NALF1: variants seen among roughly 807,000 people sequenced by gnomAD.
The protein encoded by NALF1 is family with sequence similarity 155 member A.
NALF1 carries 3 observed loss-of-function variants against 48.4 expected under a neutral mutation model. The observed-to-expected ratio is 0.06, with a 90% CI of 0.03 to 0.16. NALF1 has a LOEUF of 0.16. Ranked by LOEUF, NALF1 falls within the 10% of genes least tolerant of loss-of-function variation. The pLI is 1.00. For missense variants in NALF1, 526 were observed against 571.5 expected, an observed-to-expected ratio of 0.92 and a Z score of 0.81; for synonymous variants, 262 against 245.7, an observed-to-expected ratio of 1.07 and a Z score of -0.62.
At chr13:107,253,145 T>C (rs2138846352) in intron 1 of NALF1, among the ~76,000 whole-genome samples, 1 of 149,656 alleles carries the variant, frequency 6.7e-6, no homozygotes, top group East Asian at 2.0e-4. Flanking sequence ...TTCATACTTG[T>C]GAAGATCTGA....
intron 1 of NALF1, among the ~76,000 whole-genome samples, chr13:107,699,403 A>G (rs1228352665): frequency 6.6e-6 from 1 of 152,146 alleles, no homozygotes; most frequent in East Asian, 1.9e-4. Context: ...GTTCCATGAT[A>G]TAAAACTCAA....
intron 1 of NALF1, among the ~76,000 whole-genome samples, chr13:107,680,727 G>T (rs553077127): frequency 2.4e-5 from 3 of 125,914 alleles, no homozygotes; most frequent in African/African-American, 8.5e-5. Flanking sequence ...GTGTGAGAGT[G>T]TATGAGTGTG....
intron 1 of NALF1, among the ~76,000 whole-genome samples, chr13:107,309,975 T>C (rs1196209258): frequency 2.0e-5 from 3 of 152,218 alleles, no homozygotes; most frequent in Non-Finnish European, 4.4e-5. Context: ...CACAATACTC[T>C]GATGTATTAG....
At chr13:107,378,023 A>C (rs1883369359) in intron 1 of NALF1, among the ~76,000 whole-genome samples, 1 of 152,150 alleles carries the variant, frequency 6.6e-6, no homozygotes, top group Admixed American at 6.5e-5. Context: ...TCTTTGCTAA[A>C]ATGCCATCTC....
intron 1 of NALF1, among the ~76,000 whole-genome samples, chr13:107,684,696 C>A (rs1472155744): frequency 6.6e-6 from 1 of 152,160 alleles, no homozygotes; most frequent in Non-Finnish European, 1.5e-5. Context: ...CCTATCATTT[C>A]AGTTCAGTTA....
chr13:107,459,819 C>A (rs1450803712), intron 1 of NALF1, among the ~76,000 whole-genome samples: 1 of 152,130 alleles, frequency 6.6e-6, no homozygotes, highest in Non-Finnish European at 1.5e-5. Context: ...CCACTCACTG[C>A]AGCCTCGACC....
intron 1 of NALF1, among the ~76,000 whole-genome samples, chr13:107,653,922 A>G (rs1426787056): frequency 6.6e-6 from 1 of 152,170 alleles, no homozygotes; most frequent in Non-Finnish European, 1.5e-5. Flanking sequence ...CTCAGAAAAC[A>G]GCATTAAAGA....
chr13:107,512,986 A>G (rs1875945000), intron 1 of NALF1, among the ~76,000 whole-genome samples: 1 of 152,146 alleles, frequency 6.6e-6, no homozygotes, highest in Non-Finnish European at 1.5e-5. Context: ...TGATTTTAAA[A>G]ATTCTTTTGG....
intron 1 of NALF1, among the ~76,000 whole-genome samples, chr13:107,471,281 C>T (rs889516858): frequency 3.3e-5 from 5 of 151,464 alleles, no homozygotes; most frequent in Admixed American, 6.6e-5. Flanking sequence ...TTCTAAAATG[C>T]TAATTTATCT....
intron 1 of NALF1, among the ~76,000 whole-genome samples, chr13:107,761,047 G>C (rs1011549422): frequency 6.6e-6 from 1 of 152,044 alleles, no homozygotes; most frequent in Non-Finnish European, 1.5e-5. Flanking sequence ...AGAGTTAATG[G>C]GTTAAGAAAA....
At chr13:107,731,417 A>G (rs1876304505) in intron 1 of NALF1, among the ~76,000 whole-genome samples, 3 of 152,140 alleles carry the variant, frequency 2.0e-5, no homozygotes. Context: ...CTTTTATTTT[A>G]GGTTCAGGAG....
At chr13:107,790,824 A>C (rs1424536536) in intron 1 of NALF1, among the ~76,000 whole-genome samples, 1 of 151,950 alleles carries the variant, frequency 6.6e-6, no homozygotes, top group African/African-American at 2.4e-5. Context: ...TTTTAGTTAT[A>C]TAATATACAG....
At chr13:107,818,525 T>A (rs17446972) in intron 1 of NALF1, among the ~76,000 whole-genome samples, 2 of 152,074 alleles carry the variant, frequency 1.3e-5, no homozygotes, top group African/African-American at 4.8e-5. Flanking sequence ...GAGTGGCAGA[T>A]TGTAGAGTTG....
chr13:107,380,337 A>G (rs1329135131), intron 1 of NALF1, among the ~76,000 whole-genome samples: 1 of 152,234 alleles, frequency 6.6e-6, no homozygotes, highest in Non-Finnish European at 1.5e-5. Context: ...AGTGATTACA[A>G]GAACAAGAAA....
intron 1 of NALF1, among the ~76,000 whole-genome samples, chr13:107,379,186 G>A (rs1409989551): frequency 6.6e-6 from 1 of 152,084 alleles, no homozygotes; most frequent in Non-Finnish European, 1.5e-5. Flanking sequence ...CATTTCTTAT[G>A]TAGCTCAAAA....
At position 107,513,145 on chromosome 13, in the gene NALF1, T is replaced by A. The variant is rs75915194; in HGVS notation, c.916-302390A>T. 7.5e-3 allele frequency among the ~76,000 whole-genome samples: 1,148 copies of A among 152,298 alleles called. 47 individuals carry two copies. In the East Asian group the frequency reaches 0.11, roughly 15 times the overall value. ...AAGGATTCGAAAATAAGACAACATT[T>A]TTTTAGGGGTTTTCTTTTTGGAAAA... On this transcript the variant is annotated intron_variant, in intron 1 of 2. Coordinates refer to ENST00000375915, the MANE Select transcript of NALF1 (RefSeq NM_001080396.3).
chr13:107,534,295 A>T (rs1443797002), intron 1 of NALF1, among the ~76,000 whole-genome samples: 1 of 152,128 alleles, frequency 6.6e-6, no homozygotes, highest in East Asian at 1.9e-4. Context: ...CCAATTAAAA[A>T]CAATTTTAAA....
intron 1 of NALF1, among the ~76,000 whole-genome samples, chr13:107,805,865 A>C (rs757068923): frequency 4.6e-5 from 7 of 152,096 alleles, no homozygotes; most frequent in African/African-American, 7.2e-5. Flanking sequence ...CAGATCCCTA[A>C]AGCCTGTGGG....
At chr13:107,622,150 T>G (rs1007193765) in intron 1 of NALF1, among the ~76,000 whole-genome samples, 1 of 151,798 alleles carries the variant, frequency 6.6e-6, no homozygotes, top group Non-Finnish European at 1.5e-5. Flanking sequence ...GAATCATGGC[T>G]GGGTACGGTG....
Sources: gnomAD v4.1 joint callset for allele counts (sites outside exome capture counted in the v4.1 genomes callset) on GRCh38, gnomAD v4.1.1 for gene constraint, MANE v1.5 for transcripts, NCBI Gene and HGNC (gene_info 2026-07-23, HGNC 2026-07-21) for gene names.